Variants in DNAH7 observed in about 807,000 individuals in gnomAD.
DNAH7 encodes the protein dynein axonemal heavy chain 7.
Under a neutral mutation model 444.6 loss-of-function variants are expected in DNAH7, and 397 were observed. That is an observed-to-expected ratio of 0.89 (90% CI 0.82 to 0.97). The LOEUF is 0.97. Ranked by LOEUF, DNAH7 falls within the 50% of genes least tolerant of loss-of-function variation. DNAH7 has a pLI of 0.00. For synonymous variants in DNAH7, 1,636 were observed against 1,624.4 expected, an observed-to-expected ratio of 1.01 and a Z score of -0.17; for missense variants, 4,902 against 4,800.8, an observed-to-expected ratio of 1.02 and a Z score of -0.62.
At position 195,853,416 on chromosome 2, in the gene DNAH7, T is replaced by C. The variant is rs537696506; in HGVS notation, c.8708A>G (p.Asn2903Ser). ...GGAAATGAGGATATCCCCAGTCAAG[T>C]TGATGTACAGCTGACCTAGCTCCAG... ...TALELGQLYI[N>S]LTGDILISSG... is the part of the protein sequence containing the mutation. Residue 2903 changes from asparagine to serine, a missense_variant, in exon 46 of 65, where the codon AAC (asparagine) becomes AGC (serine). Asn to Ser is a conservative substitution (Grantham distance 46). Coordinates refer to ENST00000312428, the MANE Select transcript of DNAH7 (RefSeq NM_018897.3). The C allele has an allele frequency of 5.6e-6, 9 of 1,614,140 alleles. No homozygotes were observed. The highest frequency in any genetic ancestry group is 3.3e-5 in the Admixed American group (2 of 60,012).
At chr2:195,848,444 T>C (rs578005834) in intron 46 of DNAH7, among the ~76,000 whole-genome samples, 1 of 152,356 alleles carries the variant, frequency 6.6e-6, no homozygotes, top group South Asian at 2.1e-4. Flanking sequence ...TTGATGTTCA[T>C]TTACTGATGA....
chr2:195,829,029 GAA>G (rs1697931932), intron 48 of DNAH7, among the ~76,000 whole-genome samples: 1 of 152,114 alleles, frequency 6.6e-6, no homozygotes, highest in Non-Finnish European at 1.5e-5. Flanking sequence ...TCCTGTCAGA[GAA>G]AAAGAGCTGT....
intron 9 of DNAH7, among the ~76,000 whole-genome samples, chr2:196,014,497 A>G (rs1429738994): frequency 6.6e-6 from 1 of 151,988 alleles, no homozygotes; most frequent in African/African-American, 2.4e-5. Context: ...AGACCCATCT[A>G]TTGGTCACAT....
At chr2:195,898,732 C>T (rs903495555) in intron 28 of DNAH7, among the ~76,000 whole-genome samples, 4 of 152,118 alleles carry the variant, frequency 2.6e-5, no homozygotes, top group African/African-American at 7.2e-5. Context: ...AGAGTGGAGA[C>T]GGCTGGTCAT....
At chr2:195,972,577 T>G in intron 15 of DNAH7, 111 bp from the exon 16 acceptor site, 1 of 773,316 alleles carries the variant, frequency 1.3e-6, no homozygotes, top group Non-Finnish European at 2.1e-6. Context: ...AAGTCAACAC[T>G]TTTGGTTCAA....
At chr2:195,853,321 G>A (rs1448122921) in intron 46 of DNAH7, 22 bp downstream of exon 46, 2 of 1,598,396 alleles carry the variant, frequency 1.3e-6, no homozygotes, top group African/African-American at 2.7e-5. Context: ...GGGTCAGGAA[G>A]AGATGGAATA....
At position 196,019,262 on chromosome 2, in the gene DNAH7, A is replaced by T. The variant is rs1282957253; in HGVS notation, c.777T>A (p.Ser259=). 1 of 1,508,742 alleles carries T rather than the reference A, an allele frequency of 6.6e-7. No individual in the cohort carries two copies. Among genetic ancestry groups the T allele is most frequent in the Non-Finnish European group, 9.0e-7 (1 of 1,114,002 alleles). 93.5% of individuals were successfully genotyped at this position (1,508,742 alleles called of 1,614,324 possible). ...TAATATAACTGCTTGCAGCTAAAAAAGATTTCCTCCAAGGTTTTGGCAGAA... is the reference window on the plus strand; with the variant it reads ...TAATATAACTGCTTGCAGCTAAAAATGATTTCCTCCAAGGTTTTGGCAGAA... ...MEILPKPWRK[S]FLAASSYIRD... Residue 259 remains serine, a synonymous_variant, in exon 9 of 65, where the codon TCT becomes TCA. Coordinates refer to ENST00000312428, the MANE Select transcript of DNAH7 (RefSeq NM_018897.3).
At chr2:195,857,848 T>A in intron 43 of DNAH7, 125 bp from the exon 44 acceptor site, 1 of 831,486 alleles carries the variant, frequency 1.2e-6, no homozygotes, top group Non-Finnish European at 1.8e-6. Context: ...ATGGTGACAG[T>A]AATAGAACTG....
In DNAH7 at chr2:195,964,824, C is replaced by G. The variant is rs570450514; in HGVS notation, c.2206-3879G>C. Among the ~76,000 whole-genome samples, 41 of 150,814 alleles carry G rather than the reference C, an allele frequency of 2.7e-4. 1 individual carries two copies. In the South Asian group the frequency reaches 8.6e-3, roughly 31 times the overall value. On this transcript the variant is annotated intron_variant, in intron 17 of 64. Transcript: ENST00000312428. ...CCAGGAGGCAGAGGTTGCAGTGAGC[C>G]GAGGTCACGCCACTTGCACTCCAGC...
intron 9 of DNAH7, among the ~76,000 whole-genome samples, chr2:196,015,681 G>A (rs1443700983): frequency 6.6e-6 from 1 of 152,148 alleles, no homozygotes; most frequent in Non-Finnish European, 1.5e-5. Context: ...CCAAACTCAT[G>A]CATTTTAGAG....
intron 58 of DNAH7, among the ~76,000 whole-genome samples, chr2:195,784,341 G>A (rs1467288071): frequency 2.0e-5 from 3 of 151,922 alleles, no homozygotes; most frequent in Non-Finnish European, 4.4e-5. Flanking sequence ...TCATATAGTC[G>A]AAATCACAGA....
At chr2:195,744,740 A>G (rs1693280789) in intron 63 of DNAH7, among the ~76,000 whole-genome samples, 1 of 152,240 alleles carries the variant, frequency 6.6e-6, no homozygotes, top group Admixed American at 6.5e-5. Context: ...TACCCAGGCA[A>G]ACAGGGTCCG....
At chr2:195,922,611 C>G (rs1688090659) in intron 23 of DNAH7, among the ~76,000 whole-genome samples, 1 of 152,140 alleles carries the variant, frequency 6.6e-6, no homozygotes, top group Non-Finnish European at 1.5e-5. Flanking sequence ...TACGCTGCCC[C>G]TCAATTTGTT....
chr2:195,820,764 T>C (rs1697429300), intron 49 of DNAH7, among the ~76,000 whole-genome samples: 1 of 152,184 alleles, frequency 6.6e-6, no homozygotes, highest in African/African-American at 2.4e-5. Context: ...TTTTTTAAAT[T>C]AGAATTTTAA....
chr2:195,847,059 C>CATAT (rs57926663), intron 46 of DNAH7, among the ~76,000 whole-genome samples: 9,646 of 139,550 alleles, frequency 0.069, 488 homozygotes, highest in African/African-American at 0.16. Context: ...TATAAACTCC[C>CATAT]ATATATATAT....
At chr2:196,022,205 G>A (rs116546124) in intron 8 of DNAH7, among the ~76,000 whole-genome samples, 2,363 of 152,190 alleles carry the variant, frequency 0.016, 51 homozygotes, top group African/African-American at 0.053. Flanking sequence ...GGCCTTTTGC[G>A]AGTCATAATC....
intron 18 of DNAH7, among the ~76,000 whole-genome samples, 194 bp downstream of exon 18, chr2:195,960,066 A>C (rs1033998444): frequency 6.6e-6 from 1 of 152,214 alleles, no homozygotes; most frequent in African/African-American, 2.4e-5. Flanking sequence ...ATTGATTATA[A>C]TATCTTTAAA....
At chr2:196,032,434 G>T in intron 5 of DNAH7, among the ~76,000 whole-genome samples, 1 of 152,172 alleles carries the variant, frequency 6.6e-6, no homozygotes, top group Non-Finnish European at 1.5e-5. Flanking sequence ...AAAAGGCTCT[G>T]GTATCAGGGT....
Position 195,888,945 on chromosome 2 carries a change from C to T in DNAH7, c.5083G>A (p.Val1695Ile). 6.2e-7 allele frequency: 1 copy of T among 1,613,258 alleles called. No homozygotes were observed. The highest frequency in any genetic ancestry group is 8.5e-7 in the Non-Finnish European group (1 of 1,179,762). Residue 1695 changes from valine to isoleucine, a missense_variant, in exon 32 of 65, where the codon GTA becomes ATA. Transcript: ENST00000312428. ...DRKWLIFDGP[V>I]DAVWIENMNT... ...ATATTCTCAATCCACACTGCATCTA[C>T]TGGGCCATCAAAAATTAACCATTTC...
Sources: allele counts gnomAD v4.1 joint callset (sites outside exome capture counted in the v4.1 genomes callset), GRCh38; gene constraint gnomAD v4.1.1; transcripts MANE v1.5; gene names NCBI Gene and HGNC (gene_info 2026-07-23, HGNC 2026-07-21).